JARID2: variants seen among roughly 807,000 people sequenced by gnomAD.
JARID2 encodes the protein protein Jumonji.
Under a neutral mutation model 125.6 loss-of-function variants are expected in JARID2, and 21 were observed. The ratio of observed to expected loss-of-function variants is 0.17; its 90% CI spans 0.12 to 0.24. The LOEUF (loss-of-function observed/expected upper bound fraction) is 0.24. JARID2 is among the 10% of genes least tolerant of loss of function. JARID2 has a pLI of 1.00. For synonymous variants in JARID2, 736 were observed against 661.6 expected, an observed-to-expected ratio of 1.11 and a Z score of -1.73; for missense variants, 1,303 against 1,639.6, an observed-to-expected ratio of 0.79 and a Z score of 3.55.
intron 1 of JARID2, among the ~76,000 whole-genome samples, chr6:15,344,312 T>G (rs1176104450): frequency 6.6e-6 from 1 of 152,030 alleles, no homozygotes; most frequent in Non-Finnish European, 1.5e-5. Flanking sequence ...GTAACTTAGA[T>G]AAAGCACACT....
intron 7 of JARID2, 87 bp downstream of exon 7, chr6:15,497,257 C>A: frequency 1.9e-6 from 2 of 1,062,288 alleles, no homozygotes; most frequent in South Asian, 1.7e-5. Context: ...ACGTTCTCTT[C>A]CCTTGCGAAA....
intron 2 of JARID2, among the ~76,000 whole-genome samples, chr6:15,377,640 A>C (rs1246512384): frequency 1.3e-5 from 2 of 152,018 alleles, no homozygotes; most frequent in Admixed American, 1.3e-4. Flanking sequence ...CAACAAATTG[A>C]GACCCTGTCT....
intron 1 of JARID2, among the ~76,000 whole-genome samples, chr6:15,366,330 A>G (rs1200583929): frequency 6.6e-6 from 1 of 151,620 alleles, no homozygotes; most frequent in East Asian, 1.9e-4. Flanking sequence ...GTTTTTTTTC[A>G]TTTGCTATTC....
chr6:15,339,680 C>T (rs1763002985), intron 1 of JARID2, among the ~76,000 whole-genome samples: 1 of 151,806 alleles, frequency 6.6e-6, no homozygotes, highest in Non-Finnish European at 1.5e-5. Context: ...GGATTACAGG[C>T]ATGTGCCTCC....
chr6:15,514,620 T>C (rs1771457075), intron 16 of JARID2, among the ~76,000 whole-genome samples: 1 of 151,350 alleles, frequency 6.6e-6, no homozygotes, highest in South Asian at 2.1e-4. Context: ...CTCTCCCGGA[T>C]GAGTCAGATC....
At chr6:15,265,513 A>C (rs1416048700) in intron 1 of JARID2, among the ~76,000 whole-genome samples, 1 of 151,784 alleles carries the variant, frequency 6.6e-6, no homozygotes, top group Non-Finnish European at 1.5e-5. Flanking sequence ...AACATTCCAG[A>C]TTTGGCTCTG....
intron 3 of JARID2, among the ~76,000 whole-genome samples, chr6:15,419,644 T>G (rs917909482): frequency 6.6e-6 from 1 of 152,220 alleles, no homozygotes; most frequent in Non-Finnish European, 1.5e-5. Flanking sequence ...CTTATAGATA[T>G]TTTTGCTGGG....
chr6:15,332,974 C>G lies in JARID2; in HGVS notation c.46-41143C>G, dbSNP rs565185086. ...TTTTTTTTTTGGAGACGGAGTCGCC[C>G]AGGCTGGAGTGCAGTGGCCCCATCT... On this transcript the variant is annotated intron_variant, in intron 1 of 17. Transcript: ENST00000341776. Among the ~76,000 whole-genome samples, 7 of 124,234 alleles carry G rather than the reference C, an allele frequency of 5.6e-5. No homozygotes were observed. The South Asian group carries it at 7.4e-4, about 13-fold the overall frequency. The allele number at this position is 124,234 out of a possible 152,430, so 81.5% of individuals were successfully genotyped here.
intron 1 of JARID2, among the ~76,000 whole-genome samples, chr6:15,325,072 C>T (rs1223749584): frequency 6.6e-6 from 1 of 151,974 alleles, no homozygotes; most frequent in Non-Finnish European, 1.5e-5. Flanking sequence ...AGGACCATAC[C>T]ACAATTTCAA....
chr6:15,429,624 T>A (rs993021644), intron 3 of JARID2, among the ~76,000 whole-genome samples: 2 of 152,176 alleles, frequency 1.3e-5, no homozygotes, highest in East Asian at 3.8e-4. Flanking sequence ...TACTCCTATT[T>A]AGAATTGTTC....
At chr6:15,459,793 A>G (rs1768360559) in intron 4 of JARID2, among the ~76,000 whole-genome samples, 1 of 152,234 alleles carries the variant, frequency 6.6e-6, no homozygotes, top group African/African-American at 2.4e-5. Flanking sequence ...GGGCAAATGC[A>G]AAAGCCTGGG....
intron 5 of JARID2, among the ~76,000 whole-genome samples, chr6:15,473,522 C>CCCCCCCCCCCCG (rs1769187501): frequency 5.2e-5 from 2 of 38,724 alleles, no homozygotes; most frequent in Non-Finnish European, 1.7e-4. Context: ...GTGCCCCCCC[C>CCCCCCCCCCCCG]CCCCCCCCGC....
chr6:15,454,800 G>A (rs3778652), intron 4 of JARID2, among the ~76,000 whole-genome samples: 60,713 of 151,910 alleles, frequency 0.4, 12,346 homozygotes, highest in South Asian at 0.47. Flanking sequence ...ATAGATTTTG[G>A]CTGAAAGATT....
intron 1 of JARID2, among the ~76,000 whole-genome samples, chr6:15,299,608 A>G (rs72834551): frequency 0.036 from 5,541 of 152,192 alleles, 154 homozygotes; most frequent in South Asian, 0.11. Context: ...TAGGCCAGTT[A>G]GGGGGAAATA....
intron 3 of JARID2, among the ~76,000 whole-genome samples, chr6:15,414,790 A>G (rs928321282): frequency 6.6e-6 from 1 of 152,072 alleles, no homozygotes. Context: ...ATATATTTAC[A>G]TAGTTTATAA....
intron 3 of JARID2, among the ~76,000 whole-genome samples, chr6:15,443,956 G>C (rs915479622): frequency 2.0e-5 from 3 of 152,164 alleles, no homozygotes; most frequent in South Asian, 4.1e-4. Flanking sequence ...ATTTCTTTAC[G>C]CAAATTCCGG....
At chr6:15,509,124 C>A (rs764732468) in intron 12 of JARID2, 1 of 1,288,888 alleles carries the variant, frequency 7.8e-7, no homozygotes, top group African/African-American at 1.5e-5. Flanking sequence ...ATCTGACTCT[C>A]ACTGTAGCCA....
At chr6:15,251,387 C>T (rs1759446477) in intron 1 of JARID2, among the ~76,000 whole-genome samples, 1 of 152,100 alleles carries the variant, frequency 6.6e-6, no homozygotes, top group South Asian at 2.1e-4. Flanking sequence ...CTGACATTGT[C>T]TGAATTCTGG....
chr6:15,380,359 GA>G (rs1764533580), intron 2 of JARID2, among the ~76,000 whole-genome samples: 1 of 152,072 alleles, frequency 6.6e-6, no homozygotes, highest in African/African-American at 2.4e-5. Context: ...TTTTTATTGG[GA>G]AAAAGAACCT....
Sources: gnomAD v4.1 joint callset for allele counts (sites outside exome capture counted in the v4.1 genomes callset) on GRCh38, gnomAD v4.1.1 for gene constraint, MANE v1.5 for transcripts, NCBI Gene and HGNC (gene_info 2026-07-23, HGNC 2026-07-21) for gene names.